Variants in PDSS2 observed in about 807,000 individuals in gnomAD.
PDSS2 encodes all trans-polyprenyl-diphosphate synthase PDSS2.
A neutral mutation model predicts 44.5 loss-of-function variants in PDSS2; 31 were observed. The observed-to-expected ratio is 0.70, with a 90% CI of 0.52 to 0.94. PDSS2 has a LOEUF of 0.94. Ranked by LOEUF, PDSS2 falls within the 40% of genes least tolerant of loss-of-function variation. The pLI is 0.00. For missense variants in PDSS2, 452 were observed against 482.2 expected (o/e 0.94, Z 0.59); for synonymous variants, 157 against 180.3 (o/e 0.87, Z 1.03).
chr6:107,312,464 G>A (rs1223643602), intron 2 of PDSS2, among the ~76,000 whole-genome samples: 1 of 152,148 alleles, frequency 6.6e-6, no homozygotes, highest in Non-Finnish European at 1.5e-5. Flanking sequence ...TTCAAACCCT[G>A]GCCCCACTAC....
At chr6:107,180,127 C>A (rs572070840) in intron 7 of PDSS2, among the ~76,000 whole-genome samples, 9 of 152,144 alleles carry the variant, frequency 5.9e-5, no homozygotes, top group Non-Finnish European at 1.3e-4. Context: ...CCCTTCAGAT[C>A]CACTTTAAAA....
intron 1 of PDSS2, among the ~76,000 whole-genome samples, chr6:107,444,051 T>A (rs1781590688): frequency 6.6e-6 from 1 of 152,136 alleles, no homozygotes; most frequent in East Asian, 1.9e-4. Flanking sequence ...ATTTTTGAGA[T>A]AAGATCTCAC....
At chr6:107,223,104 A>T (rs181208578) in intron 4 of PDSS2, among the ~76,000 whole-genome samples, 1 of 151,280 alleles carries the variant, frequency 6.6e-6, no homozygotes, top group African/African-American at 2.5e-5. Flanking sequence ...GTGCGTCACC[A>T]CACCCAGATA....
At chr6:107,322,082 C>A (rs575019381) in intron 2 of PDSS2, among the ~76,000 whole-genome samples, 12 of 152,162 alleles carry the variant, frequency 7.9e-5, no homozygotes, top group Non-Finnish European at 1.6e-4. Flanking sequence ...TTCTTGATGA[C>A]AAAGAAAAAC....
rs189143574 is a variant in PDSS2 at position 107,285,359 on chromosome 6, G to A, written c.432-11132C>T. 9.7e-4 allele frequency among the ~76,000 whole-genome samples: 148 copies of A among 152,160 alleles called. 2 individuals are homozygous for A. The highest frequency in any genetic ancestry group is 9.0e-4 in the Non-Finnish European group (61 of 68,012). On this transcript the variant is annotated intron_variant, in intron 2 of 7. Transcript: ENST00000369037. Reference sequence around the variant, plus strand: ...AGTTACTGCAGTTTTAAAAAGTATAGTATGGCTGGGCGTGGAGGCTCACAT... The same window carrying A: ...AGTTACTGCAGTTTTAAAAAGTATAATATGGCTGGGCGTGGAGGCTCACAT...
In PDSS2 at chr6:107,306,037, C is replaced by T. The variant is rs192638610; in HGVS notation, c.431+28161G>A. Among the ~76,000 whole-genome samples the T allele has an allele frequency of 3.2e-4, 48 of 152,290 alleles. 1 individual carries two copies. The highest frequency in any genetic ancestry group is 4.6e-4 in the Admixed American group (7 of 15,302). ...TCTAAGTACTTTGTTCAATGTCATA[C>T]AGATAGTTACCCAAAGAGGACAAGT... On this transcript the variant is annotated intron_variant, in intron 2 of 7. Transcript: ENST00000369037.
intron 1 of PDSS2, among the ~76,000 whole-genome samples, chr6:107,444,371 C>CT (rs1781603404): frequency 6.6e-6 from 1 of 152,112 alleles, no homozygotes; most frequent in African/African-American, 2.4e-5. Context: ...GATGAAGAAA[C>CT]TAAGGCACAG....
chr6:107,429,884 CAAA>C (rs1163895804), intron 1 of PDSS2, among the ~76,000 whole-genome samples: 15 of 5,374 alleles, frequency 2.8e-3, no homozygotes, highest in East Asian at 4.4e-3. Context: ...AACTTAGTCT[CAAA>C]AAAAAAAAAA....
At chr6:107,440,826 T>C (rs148354864) in intron 1 of PDSS2, among the ~76,000 whole-genome samples, 1 of 152,292 alleles carries the variant, frequency 6.6e-6, no homozygotes, top group African/African-American at 2.4e-5. Context: ...GAGTGCATAA[T>C]AATAAACTAT....
At chr6:107,210,923 G>GA (rs1773178833) in intron 5 of PDSS2, among the ~76,000 whole-genome samples, 1 of 151,284 alleles carries the variant, frequency 6.6e-6, no homozygotes, top group African/African-American at 2.4e-5. Flanking sequence ...TTGAACCTGG[G>GA]AGACAGAGGT....
intron 1 of PDSS2, among the ~76,000 whole-genome samples, chr6:107,429,560 A>T (rs895092444): frequency 6.6e-6 from 1 of 152,028 alleles, no homozygotes; most frequent in Non-Finnish European, 1.5e-5. Flanking sequence ...AGCAGTGGGT[A>T]CATAAACACA....
At chr6:107,272,090 A>C (rs374539761) in intron 3 of PDSS2, among the ~76,000 whole-genome samples, 2,039 of 151,488 alleles carry the variant, frequency 0.013, 24 homozygotes, top group Non-Finnish European at 0.021. Context: ...GAAACAAAAA[A>C]AAAAAAAAGG....
intron 1 of PDSS2, among the ~76,000 whole-genome samples, chr6:107,426,205 C>T (rs943638744): frequency 6.6e-6 from 1 of 152,090 alleles, no homozygotes; most frequent in East Asian, 1.9e-4. Context: ...TCCCCTGCAT[C>T]CCAGCTGCTC....
chr6:107,424,433 T>C (rs1325774257), intron 1 of PDSS2, among the ~76,000 whole-genome samples: 1 of 152,186 alleles, frequency 6.6e-6, no homozygotes, highest in African/African-American at 2.4e-5. Context: ...ATATCCCTTA[T>C]TGTGCTTTAA....
intron 1 of PDSS2, among the ~76,000 whole-genome samples, chr6:107,343,770 T>C (rs1778152469): frequency 6.6e-6 from 1 of 152,174 alleles, no homozygotes; most frequent in South Asian, 2.1e-4. Flanking sequence ...AAACCTGGTG[T>C]CATTGTATAG....
intron 7 of PDSS2, among the ~76,000 whole-genome samples, chr6:107,189,930 A>T (rs1772313162): frequency 6.6e-6 from 1 of 152,096 alleles, no homozygotes; most frequent in African/African-American, 2.4e-5. Context: ...AACAAATAAA[A>T]AAAAATAGCC....
At chr6:107,288,205 A>G (rs780765246) in intron 2 of PDSS2, among the ~76,000 whole-genome samples, 19 of 152,224 alleles carry the variant, frequency 1.2e-4, no homozygotes, top group Non-Finnish European at 2.8e-4. Context: ...ACAAATAATT[A>G]GAAACAAGCT....
In PDSS2 at chr6:107,176,063, A is replaced by C. The variant is rs192685840; in HGVS notation, c.1041+17759T>G. ...TTTATTTATTTATTTATTTATTGAG[A>C]TAGAGTCTCATTCTGTCTCCCAGGC... On this transcript the variant is annotated intron_variant, in intron 7 of 7. Transcript: ENST00000369037. Among the ~76,000 whole-genome samples, 15 of 150,790 alleles carry C rather than the reference A, an allele frequency of 9.9e-5. No homozygotes were observed. The East Asian group carries it at 2.7e-3, about 27-fold the overall frequency.
intron 7 of PDSS2, among the ~76,000 whole-genome samples, chr6:107,185,142 AAG>A: frequency 8.9e-5 from 13 of 145,324 alleles, no homozygotes; most frequent in African/African-American, 3.3e-4. Flanking sequence ...AAAAAAAAAA[AAG>A]AAGAAGAAGA....
Sources: gnomAD v4.1 joint callset for allele counts (sites outside exome capture counted in the v4.1 genomes callset) on GRCh38, gnomAD v4.1.1 for gene constraint, MANE v1.5 for transcripts, NCBI Gene and HGNC (gene_info 2026-07-23, HGNC 2026-07-21) for gene names.